The following SHROOM4 variants were observed in gnomAD, a reference collection of about 807,000 sequenced individuals.
SHROOM4 encodes protein Shroom4.
Under a neutral mutation model 80.3 loss-of-function variants are expected in SHROOM4, and 17 were observed. The ratio of observed to expected loss-of-function variants is 0.21; its 90% CI spans 0.14 to 0.32. SHROOM4 has a LOEUF of 0.32. Among genes scored for constraint, SHROOM4 ranks in the 10% least tolerant of loss-of-function variants. SHROOM4 has a pLI of 1.00. For synonymous variants in SHROOM4, 400 were observed against 437.5 expected, an observed-to-expected ratio of 0.91 and a Z score of 1.07; for missense variants, 993 against 1,140.3, an observed-to-expected ratio of 0.87 and a Z score of 1.86.
intron 2 of SHROOM4, among the ~76,000 whole-genome samples, chrX:50,689,514 T>C (rs973181299): frequency 2.0e-4 from 22 of 112,311 alleles, no homozygotes; most frequent in African/African-American, 6.8e-4. Flanking sequence ...CTGTACATTT[T>C]TGTAATTTCC....
At chrX:50,748,090 A>T (rs1934816361) in intron 1 of SHROOM4, among the ~76,000 whole-genome samples, 1 of 111,916 alleles carries the variant, frequency 8.9e-6, no homozygotes, top group South Asian at 3.8e-4. Context: ...AGACTCTCCT[A>T]GGATAGAGTA....
intron 5 of SHROOM4, among the ~76,000 whole-genome samples, chrX:50,618,896 C>G (rs1557251464): frequency 8.9e-6 from 1 of 112,050 alleles, no homozygotes; most frequent in African/African-American, 3.3e-5. Flanking sequence ...AGCAGGGACT[C>G]CTGGGGTACA....
intron 2 of SHROOM4, among the ~76,000 whole-genome samples, chrX:50,642,680 G>C (rs782252928): frequency 9.0e-6 from 1 of 111,508 alleles, no homozygotes; most frequent in Non-Finnish European, 1.9e-5. Flanking sequence ...GGCCAGGCTG[G>C]TCTTGAACTC....
At chrX:50,733,386 G>A (rs1257895438) in intron 1 of SHROOM4, among the ~76,000 whole-genome samples, 2 of 111,678 alleles carry the variant, frequency 1.8e-5, no homozygotes, top group Non-Finnish European at 3.8e-5. Flanking sequence ...AAAAGGAAGT[G>A]ATTAGGTCAT....
chrX:50,748,254 A>C (rs782560081), intron 1 of SHROOM4, among the ~76,000 whole-genome samples: 2 of 111,909 alleles, frequency 1.8e-5, no homozygotes, highest in Non-Finnish European at 3.8e-5. Context: ...GAAAACTGAC[A>C]TATGGGGAAC....
chrX:50,693,565 C>CA (rs377189230), intron 2 of SHROOM4, among the ~76,000 whole-genome samples: 2,176 of 77,349 alleles, frequency 0.028, 86 homozygotes, highest in African/African-American at 0.093. Flanking sequence ...AACTCCATTT[C>CA]AAAAAAAAAA....
At chrX:50,731,625 C>G (rs1557266312) in intron 1 of SHROOM4, among the ~76,000 whole-genome samples, 2 of 111,439 alleles carry the variant, frequency 1.8e-5, no homozygotes, top group Admixed American at 1.9e-4. Context: ...AAAGGCAAAC[C>G]AAGAGGACCT....
intron 1 of SHROOM4, among the ~76,000 whole-genome samples, chrX:50,768,966 G>A (rs1602499890): frequency 8.9e-6 from 1 of 111,916 alleles, no homozygotes; most frequent in African/African-American, 3.2e-5. Context: ...AGAATATTTG[G>A]AAAACAATCA....
intron 2 of SHROOM4, among the ~76,000 whole-genome samples, chrX:50,679,397 A>G (rs1258949260): frequency 1.8e-5 from 2 of 111,742 alleles, no homozygotes; most frequent in Non-Finnish European, 1.9e-5. Context: ...ATATTTGTCT[A>G]TGCTGTCCAT....
At chrX:50,736,715 A>G (rs997821430) in intron 1 of SHROOM4, among the ~76,000 whole-genome samples, 2 of 112,162 alleles carry the variant, frequency 1.8e-5, no homozygotes, top group Non-Finnish European at 3.8e-5. Flanking sequence ...ATTCATTTGC[A>G]TGTCTCTATA....
chrX:50,739,033 T>A lies in SHROOM4; in HGVS notation c.118-43096A>T, dbSNP rs782177560. On this transcript the variant is annotated intron_variant, in intron 1 of 8. Coordinates refer to ENST00000376020, the MANE Select transcript of SHROOM4 (RefSeq NM_020717.5). ...GCCCTCAGAAATAATACCACACATC[T>A]ACAACTATCTGATCTTTGACAAAGC... is the stretch of plus-strand genomic sequence containing the variant. Among the ~76,000 whole-genome samples, 4 of 111,448 alleles carry A rather than the reference T, an allele frequency of 3.6e-5. No homozygotes were observed. The East Asian group carries it at 8.5e-4, about 24-fold the overall frequency.
intron 1 of SHROOM4, among the ~76,000 whole-genome samples, chrX:50,791,420 CA>C (rs1278007798): frequency 1.9e-5 from 2 of 108,027 alleles, no homozygotes; most frequent in Non-Finnish European, 3.8e-5. Context: ...ATCTTAATGG[CA>C]TTTTTTTTTT....
intron 1 of SHROOM4, among the ~76,000 whole-genome samples, chrX:50,802,237 T>A (rs782726750): frequency 8.9e-6 from 1 of 112,184 alleles, no homozygotes; most frequent in Admixed American, 9.4e-5. Context: ...TGTCTGGCAA[T>A]TAACTCGTTT....
At chrX:50,809,147 C>T (rs1338567132) in intron 1 of SHROOM4, among the ~76,000 whole-genome samples, 5 of 111,433 alleles carry the variant, frequency 4.5e-5, no homozygotes, top group Non-Finnish European at 9.4e-5. Flanking sequence ...ATGTAGGTAA[C>T]CAGGCTGGAC....
At chrX:50,607,238 C>G in intron 6 of SHROOM4, 143 bp downstream of exon 6, 1 of 545,930 alleles carries the variant, frequency 1.8e-6, no homozygotes, top group Non-Finnish European at 3.2e-6. Context: ...TATCATTATA[C>G]CCATTTTCCA....
chrX:50,682,531 GA>G (rs1932965364), intron 2 of SHROOM4, among the ~76,000 whole-genome samples: 1 of 111,736 alleles, frequency 8.9e-6, no homozygotes, highest in Non-Finnish European at 1.9e-5. Flanking sequence ...TTACAGGGGG[GA>G]AATAGACAAG....
At chrX:50,609,315 T>A (rs1217869992) in intron 5 of SHROOM4, among the ~76,000 whole-genome samples, 1 of 111,445 alleles carries the variant, frequency 9.0e-6, no homozygotes, top group Non-Finnish European at 1.9e-5. Flanking sequence ...TAGGAATTTT[T>A]AAACTACATT....
rs782756470 is a variant in SHROOM4, at chrX:50,798,177, T to G, written c.117+15725A>C. ...GTTTATTGCTTACTCCCCTTCTAGT[T>G]TGGGAGGCAACAAGAGCATGGGAAA... is the stretch of plus-strand genomic sequence containing the variant. On this transcript the variant is annotated intron_variant, in intron 1 of 8. Transcript: ENST00000376020. Among the ~76,000 whole-genome samples the G allele has an allele frequency of 2.7e-5, 3 of 110,499 alleles. No individual in the cohort carries two copies. In the Admixed American group the frequency reaches 2.9e-4, roughly 11 times the overall value.
At chrX:50,778,939 A>C (rs1935567075) in intron 1 of SHROOM4, among the ~76,000 whole-genome samples, 1 of 111,787 alleles carries the variant, frequency 8.9e-6, no homozygotes, top group Admixed American at 9.5e-5. Flanking sequence ...AGATACTAAT[A>C]ATATCCACAT....
Sources: gnomAD v4.1 joint callset for allele counts (sites outside exome capture counted in the v4.1 genomes callset) on GRCh38, gnomAD v4.1.1 for gene constraint, MANE v1.5 for transcripts, NCBI Gene and HGNC (gene_info 2026-07-23, HGNC 2026-07-21) for gene names.